TOP2B: variants seen among roughly 807,000 people sequenced by gnomAD.
TOP2B encodes the protein DNA topoisomerase II beta.
Under a neutral mutation model 193.5 loss-of-function variants are expected in TOP2B, and 51 were observed. The observed-to-expected ratio is 0.26, with a 90% confidence interval of 0.21 to 0.33. The LOEUF is 0.33. Ranked by LOEUF, TOP2B falls within the 10% of genes least tolerant of loss-of-function variation. The pLI is 1.00. For synonymous variants in TOP2B, 634 were observed against 635.7 expected, an observed-to-expected ratio of 1.00 and a Z score of 0.04; for missense variants, 1,378 against 1,909.3, an observed-to-expected ratio of 0.72 and a Z score of 5.19.
intron 25 of TOP2B, among the ~76,000 whole-genome samples, chr3:25,616,541 T>C (rs567808407): frequency 2.6e-5 from 4 of 152,052 alleles, no homozygotes; most frequent in African/African-American, 9.6e-5. Context: ...CTTCATTATA[T>C]AAACAAAAAC....
At chr3:25,629,785 T>C (rs1307308060) in intron 13 of TOP2B, among the ~76,000 whole-genome samples, 1 of 152,184 alleles carries the variant, frequency 6.6e-6, no homozygotes, top group Non-Finnish European at 1.5e-5. Context: ...TTGTTCCTAC[T>C]TGTAGGTAGG....
chr3:25,664,218 C>G lies in TOP2B; in HGVS notation c.69+11G>C. ...CAATGCAGCCGCCCGTCCCGGGGAC[C>G]AGCCACTTACCACCCAGGTCAGTGC... On this transcript the variant is annotated intron_variant, in intron 1 of 35. Coordinates refer to ENST00000264331, the MANE Select transcript of TOP2B (RefSeq NM_001330700.2). The G allele has an allele frequency of 6.5e-7, 1 of 1,539,654 alleles. No individual in the cohort carries two copies. Among genetic ancestry groups the G allele is most frequent in the Non-Finnish European group, 8.7e-7 (1 of 1,146,240 alleles).
rs373228314 is a variant in TOP2B, at chr3:25,615,227, G to A, written c.3569C>T (p.Ala1190Val). The change falls in exon 27 of 36, where the codon GCG becomes GTG. Residue 1190 changes from alanine (A) to valine (V), a missense_variant. This residue lies in a region of TOP2B where 556 missense variants were observed against 584.2 expected (regional missense o/e 0.95). Coordinates refer to ENST00000264331, the MANE Select transcript of TOP2B (RefSeq NM_001330700.2). ...SPSDLWKEDL[A>V]AFVEELDKVE... ...TACATCCAGTTCTTCAACAAATGCC[G>A]CTAAATCCTCTTTCCAAAGATCTGA... The A allele has an allele frequency of 1.8e-5, 29 of 1,611,772 alleles. No homozygotes were observed. The highest frequency in any genetic ancestry group is 1.1e-4 in the South Asian group (10 of 90,900).
intron 4 of TOP2B, among the ~76,000 whole-genome samples, chr3:25,640,618 G>A (rs552640010): frequency 3.9e-5 from 6 of 152,072 alleles, no homozygotes; most frequent in African/African-American, 1.4e-4. Flanking sequence ...AAAATGAAGT[G>A]ATAAAGGCAC....
At chr3:25,650,485 A>C (rs907738943) in intron 1 of TOP2B, among the ~76,000 whole-genome samples, 2 of 152,212 alleles carry the variant, frequency 1.3e-5, no homozygotes, top group African/African-American at 4.8e-5. Flanking sequence ...TTATTTGAAG[A>C]AATGTGTCAG....
At chr3:25,638,898 A>G (rs1027887778) in intron 4 of TOP2B, among the ~76,000 whole-genome samples, 4 of 152,184 alleles carry the variant, frequency 2.6e-5, no homozygotes, top group African/African-American at 4.8e-5. Context: ...ATAATCTTCA[A>G]TAAAAATTAG....
At position 25,598,393 on chromosome 3, in the gene TOP2B, G is replaced by A. The variant is rs770531780; in HGVS notation, c.4795C>T (p.Arg1599Ter). ...DFPTEPPSLP[R>*]TGRARKEVKY... ...ACTTCTTTCCTAGCCCGACCGGTTC[G>A]TGGCAGAGAAGGTGGCTCAGTAGGG... The change falls in exon 36 of 36, where the codon CGA (arginine) becomes TGA (stop). Residue 1599 changes from arginine (R) to a stop codon, truncating the protein, a stop_gained. Transcript: ENST00000264331. LOFTEE classifies it high-confidence loss of function. 21 of 1,613,578 alleles carry A rather than the reference G, an allele frequency of 1.3e-5. No homozygotes were observed. The highest frequency in any genetic ancestry group is 2.2e-5 in the East Asian group (1 of 44,858).
intron 7 of TOP2B, 33 bp downstream of exon 7, chr3:25,635,903 C>A (rs778817957): frequency 2.2e-5 from 35 of 1,558,340 alleles, no homozygotes; most frequent in Non-Finnish European, 2.6e-5. Flanking sequence ...TATAAAATAA[C>A]ATAGTATTAA....
At position 25,604,823 on chromosome 3, in the gene TOP2B, A is replaced by G. The variant is rs954666241; in HGVS notation, c.4426T>C (p.Ser1476Pro). Residue 1476 changes from serine to proline, a missense_variant, in exon 33 of 36, where the codon TCA becomes CCA. Around this residue, in one of 9 missense-constraint regions of TOP2B, gnomAD observed 556 missense variants for 584.2 expected, o/e 0.95. Transcript: ENST00000264331. Reference sequence around the variant, plus strand: ...GTCTGTTTCAGACCAAATGATGGTGAAAAAACAGAAGCAGAATCTTCTTCA... The same window carrying G: ...GTCTGTTTCAGACCAAATGATGGTGGAAAAACAGAAGCAGAATCTTCTTCA... ...SNEEDSASVF[S>P]PSFGLKQTDK... 3 of 1,612,974 alleles carry G rather than the reference A, an allele frequency of 1.9e-6. No individual in the cohort carries two copies. Among genetic ancestry groups the G allele is most frequent in the Non-Finnish European group, 2.5e-6 (3 of 1,179,396 alleles).
intron 33 of TOP2B, among the ~76,000 whole-genome samples, chr3:25,602,064 A>T (rs1046179135): frequency 1.3e-5 from 2 of 152,172 alleles, no homozygotes; most frequent in African/African-American, 4.8e-5. Flanking sequence ...TGAAAAATAG[A>T]CCTTGTTTTA....
At position 25,638,314 on chromosome 3, in the gene TOP2B, TAAAAAAAAAAAAAAAAAAAAAA is replaced by T. The variant is rs56986587; in HGVS notation, c.396-26_396-5del. 226 of 131,878 alleles carry T rather than the reference TAAAAAAAAAAAAAAAAAAAAAA, an allele frequency of 1.7e-3. No homozygotes were observed. Among genetic ancestry groups the T allele is most frequent in the Middle Eastern group, 7.0e-3 (3 of 428 alleles). The allele number at this position is 131,878 out of a possible 1,614,324, so 8.2% of individuals were successfully genotyped here. On this transcript the variant is annotated splice_region_variant and splice_polypyrimidine_tract_variant and intron_variant, in intron 4 of 35. Transcript: ENST00000264331. The stretch of plus-strand genomic sequence containing the variant: ...AATGCTTATAATGTTAGATTCACTG[TAAAAAAAAAAAAAAAAAAAAAA>T]AAAAAAAAAAAAAAAAGCAGAATTT...
At chr3:25,643,948 A>G (rs1172711589) in intron 2 of TOP2B, among the ~76,000 whole-genome samples, 164 bp from the exon 3 acceptor site, 1 of 152,220 alleles carries the variant, frequency 6.6e-6, no homozygotes, top group Non-Finnish European at 1.5e-5. Flanking sequence ...TTCATATTAA[A>G]TTAACCTCAA....
At chr3:25,606,561 C>T (rs1702242520) in intron 31 of TOP2B, among the ~76,000 whole-genome samples, 1 of 152,062 alleles carries the variant, frequency 6.6e-6, no homozygotes, top group Non-Finnish European at 1.5e-5. Context: ...GGCAACAATC[C>T]TATTTCTAAT....
chr3:25,620,149 A>G lies in TOP2B; in HGVS notation c.2863-87T>C, dbSNP rs546106396. 6 of 877,698 alleles carry G rather than the reference A, an allele frequency of 6.8e-6. No individual in the cohort carries two copies. The South Asian group carries it at 8.7e-5, about 13-fold the overall frequency. The allele number at this position is 877,698 out of a possible 1,614,324, so 54.4% of individuals were successfully genotyped here. A position where few individuals can be genotyped will look rare whatever the true frequency, so the allele number is the denominator to read the frequency against. On this transcript the variant is annotated intron_variant, in intron 22 of 35. Transcript: ENST00000264331. Reference sequence around the variant, plus strand: ...AGTCATACAGTCTTGAAAATTCTCAACTCTCATGGGGAATTAAAAAGGAAA... The same window carrying G: ...AGTCATACAGTCTTGAAAATTCTCAGCTCTCATGGGGAATTAAAAAGGAAA...
chr3:25,639,867 A>G (rs1404212379), intron 4 of TOP2B, among the ~76,000 whole-genome samples: 5 of 152,236 alleles, frequency 3.3e-5, no homozygotes, highest in Non-Finnish European at 7.3e-5. Context: ...GCTAGGTTGT[A>G]CTATATATCC....
chr3:25,660,998 ATTTTTTTTTT>A (rs11460770), intron 1 of TOP2B, among the ~76,000 whole-genome samples: 1 of 131,482 alleles, frequency 7.6e-6, no homozygotes, highest in African/African-American at 2.8e-5. Context: ...TCTTAGGTTG[ATTTTTTTTTT>A]TTTTTTTTTG....
intron 27 of TOP2B, among the ~76,000 whole-genome samples, chr3:25,613,068 G>A (rs1394975035): frequency 6.6e-6 from 1 of 152,050 alleles, no homozygotes; most frequent in Non-Finnish European, 1.5e-5. Context: ...AGGCAGTTCT[G>A]CTAATAAGTA....
At chr3:25,624,880 C>A (rs1018943113) in intron 18 of TOP2B, 77 bp from the exon 19 acceptor site, 6 of 1,436,452 alleles carry the variant, frequency 4.2e-6, no homozygotes, top group Non-Finnish European at 5.6e-6. Flanking sequence ...AGCAAAGATA[C>A]AATTTGCTTT....
In TOP2B at chr3:25,609,169, A is replaced by C; in HGVS notation, c.4093+14T>G. On this transcript the variant is annotated intron_variant, in intron 30 of 35. Coordinates refer to ENST00000264331, the MANE Select transcript of TOP2B (RefSeq NM_001330700.2). ...AAACTATAATATACAGTAATATTAA[A>C]TGTGTTACAATACCTGCTGCTCTCC... is the stretch of plus-strand genomic sequence containing the variant. 2 of 1,595,256 alleles carry C rather than the reference A, an allele frequency of 1.3e-6. No homozygotes were observed. Among genetic ancestry groups the C allele is most frequent in the Non-Finnish European group, 1.7e-6 (2 of 1,169,462 alleles).
Sources: gnomAD v4.1 joint callset for allele counts (sites outside exome capture counted in the v4.1 genomes callset) on GRCh38, gnomAD v4.1.1 for gene constraint, gnomAD v4.1.1 regional missense constraint, MANE v1.5 for transcripts, NCBI Gene and HGNC (gene_info 2026-07-23, HGNC 2026-07-21) for gene names.